The following CNTN5 variants were observed in gnomAD, a reference collection of about 807,000 sequenced individuals.
CNTN5 encodes the protein contactin 5, also known as contactin-5.
Under a neutral mutation model 129.1 loss-of-function variants are expected in CNTN5, and 77 were observed. The observed-to-expected ratio is 0.60, with a 90% CI of 0.50 to 0.72. The LOEUF (loss-of-function observed/expected upper bound fraction) is 0.72, where lower values mean the gene tolerates loss of function less well. Ranked by LOEUF, CNTN5 falls within the 30% of genes least tolerant of loss-of-function variation. The pLI is 0.00. For missense variants in CNTN5, 1,478 were observed against 1,328.8 expected (o/e 1.11, Z -1.75); for synonymous variants, 509 against 465.6 (o/e 1.09, Z -1.20).
At chr11:99,416,946 G>A (rs974565952) in intron 2 of CNTN5, among the ~76,000 whole-genome samples, 3 of 152,074 alleles carry the variant, frequency 2.0e-5, no homozygotes, top group African/African-American at 7.2e-5. Flanking sequence ...CTTTGCACTT[G>A]TACATTTTAC....
chr11:100,134,895 C>A (rs1464960296), intron 13 of CNTN5, among the ~76,000 whole-genome samples: 1 of 152,088 alleles, frequency 6.6e-6, no homozygotes, highest in Non-Finnish European at 1.5e-5. Flanking sequence ...GAGGACATTG[C>A]AATTATTTGT....
chr11:99,623,220 T>TA (rs1186772683), intron 3 of CNTN5, among the ~76,000 whole-genome samples: 1 of 152,106 alleles, frequency 6.6e-6, no homozygotes, highest in Non-Finnish European at 1.5e-5. Context: ...CTGTAGGTGA[T>TA]AAAACCTCAC....
intron 2 of CNTN5, among the ~76,000 whole-genome samples, chr11:99,523,653 A>ACAGAT (rs1947364378): frequency 1.8e-4 from 16 of 88,862 alleles, no homozygotes; most frequent in African/African-American, 7.2e-4. Flanking sequence ...ATAGAATAGA[A>ACAGAT]CAGAACAGAT....
rs201009824 is a variant in CNTN5 at position 100,299,332 on chromosome 11, C to T, written c.2556C>T (p.Gly852=). 1.2e-5 allele frequency: 20 copies of T among 1,610,234 alleles called. No individual in the cohort carries two copies. The highest frequency in any genetic ancestry group is 1.0e-4 in the Admixed American group (6 of 59,684). Residue 852 remains glycine (G), a synonymous_variant, in exon 20 of 25, where the codon GGC becomes GGT. Transcript: ENST00000524871. The part of the protein sequence containing the change: ...PPLTPFEVKV[G]VYNNKGDGPF... ...TTACTCCCTTTGAAGTGAAAGTTGG[C>T]GTTTATAACAATAAAGGAGATGGGC... is the stretch of plus-strand genomic sequence containing the variant.
At chr11:99,867,217 C>A (rs181458531) in intron 6 of CNTN5, among the ~76,000 whole-genome samples, 1 of 152,144 alleles carries the variant, frequency 6.6e-6, no homozygotes, top group Admixed American at 6.5e-5. Flanking sequence ...TCTTTCCCAC[C>A]CTTCATATTG....
chr11:99,915,537 T>C (rs778187788), intron 6 of CNTN5, among the ~76,000 whole-genome samples: 73 of 152,158 alleles, frequency 4.8e-4, no homozygotes, highest in Admixed American at 7.9e-4. Flanking sequence ...TATTCACATT[T>C]ATAGAAAAAG....
chr11:100,034,185 G>A (rs1419608431), intron 9 of CNTN5, among the ~76,000 whole-genome samples: 2 of 152,158 alleles, frequency 1.3e-5, no homozygotes, highest in African/African-American at 4.8e-5. Flanking sequence ...TCATGTGTAA[G>A]CTGGATGAAA....
chr11:100,108,741 T>C (rs1164169838), intron 13 of CNTN5, among the ~76,000 whole-genome samples: 2 of 152,064 alleles, frequency 1.3e-5, no homozygotes, highest in East Asian at 1.9e-4. Flanking sequence ...TTTATATTAT[T>C]ATATATGTAA....
At position 99,788,154 on chromosome 11, in the gene CNTN5, A is replaced by T. The variant is rs576556654; in HGVS notation, c.56-31390A>T. Among the ~76,000 whole-genome samples the T allele has an allele frequency of 2.6e-5, 4 of 151,964 alleles. No individual in the cohort carries two copies. In the South Asian group the frequency reaches 8.3e-4, roughly 31 times the overall value. On this transcript the variant is annotated intron_variant, in intron 3 of 24. Transcript: ENST00000524871. ...TGTACACTTTTTCTGTATCTTCCTC[A>T]TATAGAAAGTTTTTACGATTTTCCG... is the stretch of plus-strand genomic sequence containing the variant.
intron 21 of CNTN5, among the ~76,000 whole-genome samples, chr11:100,313,384 G>T (rs1430070561): frequency 6.6e-6 from 1 of 151,104 alleles, no homozygotes; most frequent in South Asian, 2.1e-4. Context: ...ATCTGATGTG[G>T]AGGAAAGAGA....
chr11:100,256,701 G>A (rs933802426), intron 17 of CNTN5, among the ~76,000 whole-genome samples: 6 of 151,988 alleles, frequency 3.9e-5, no homozygotes, highest in African/African-American at 7.2e-5. Context: ...ATAGGGGGTC[G>A]GAGAATTCCC....
chr11:100,151,136 C>T (rs961000236), intron 13 of CNTN5, among the ~76,000 whole-genome samples: 1 of 152,046 alleles, frequency 6.6e-6, no homozygotes, highest in African/African-American at 2.4e-5. Context: ...GTTGTATGAG[C>T]CCAAGCTGAC....
rs1946500239 is a variant in CNTN5 at position 99,813,793 on chromosome 11, CTG to C, written c.56-5747_56-5746del. Among the ~76,000 whole-genome samples the C allele has an allele frequency of 2.0e-5, 3 of 152,198 alleles. No homozygotes were observed. In the South Asian group the frequency reaches 6.2e-4, roughly 32 times the overall value. On this transcript the variant is annotated intron_variant, in intron 3 of 24. Coordinates refer to ENST00000524871, the MANE Select transcript of CNTN5 (RefSeq NM_014361.4). Reference sequence around the variant, plus strand: ...CAATATTCAAAGGAAAAAGAAATAACTGTGTCATACACTCCTAATAGGTTTAA... The same window carrying C: ...CAATATTCAAAGGAAAAAGAAATAACTGTCATACACTCCTAATAGGTTTAA...
chr11:99,400,433 A>G (rs530595289), intron 2 of CNTN5, among the ~76,000 whole-genome samples: 1 of 152,188 alleles, frequency 6.6e-6, no homozygotes, highest in Non-Finnish European at 1.5e-5. Flanking sequence ...ATAGTACTTC[A>G]TTGTGTAGGA....
rs574895885 is a variant in CNTN5, at chr11:99,722,330, A to G, written c.56-97214A>G. ...CAAGGAATGAGATCATGTCTTTTGCAGGAATGGGAATGGAGCTGGAGGCAA... is the reference window on the plus strand; with the variant it reads ...CAAGGAATGAGATCATGTCTTTTGCGGGAATGGGAATGGAGCTGGAGGCAA... On this transcript the variant is annotated intron_variant, in intron 3 of 24. Transcript: ENST00000524871. Among the ~76,000 whole-genome samples the G allele has an allele frequency of 2.0e-5, 3 of 152,244 alleles. No homozygotes were observed. The East Asian group carries it at 5.8e-4, about 29-fold the overall frequency.
intron 2 of CNTN5, among the ~76,000 whole-genome samples, chr11:99,374,965 G>A (rs566833425): frequency 6.6e-6 from 1 of 152,148 alleles, no homozygotes; most frequent in Non-Finnish European, 1.5e-5. Flanking sequence ...TTTCAGGCTG[G>A]AAAAGTAAAG....
intron 21 of CNTN5, among the ~76,000 whole-genome samples, chr11:100,334,568 T>TA (rs1951987748): frequency 6.6e-6 from 1 of 152,076 alleles, no homozygotes. Flanking sequence ...GAAAATGTGG[T>TA]ATATACACCA....
chr11:100,069,196 A>T (rs998939723), intron 10 of CNTN5, among the ~76,000 whole-genome samples: 3 of 152,138 alleles, frequency 2.0e-5, no homozygotes, highest in African/African-American at 7.2e-5. Context: ...TCTGTCACCC[A>T]AAGTGGAATG....
intron 1 of CNTN5, among the ~76,000 whole-genome samples, chr11:99,121,776 T>A (rs941152843): frequency 6.6e-6 from 1 of 152,212 alleles, no homozygotes; most frequent in Non-Finnish European, 1.5e-5. Flanking sequence ...GTATCTTATT[T>A]CATTTGAGAC....
Sources: gnomAD v4.1 joint callset for allele counts (sites outside exome capture counted in the v4.1 genomes callset) on GRCh38, gnomAD v4.1.1 for gene constraint, MANE v1.5 for transcripts, NCBI Gene and HGNC (gene_info 2026-07-23, HGNC 2026-07-21) for gene names.